GRM7: variants seen among roughly 807,000 people sequenced by gnomAD.
The protein encoded by GRM7 is glutamate metabotropic receptor 7.
Under a neutral mutation model 84.5 loss-of-function variants are expected in GRM7, and 35 were observed. The observed-to-expected ratio is 0.41, with a 90% CI of 0.32 to 0.55. GRM7 has a LOEUF of 0.55. Ranked by LOEUF, GRM7 falls within the 20% of genes least tolerant of loss-of-function variation. The pLI is 0.19. For synonymous variants in GRM7, 487 were observed against 455.1 expected, an observed-to-expected ratio of 1.07 and a Z score of -0.89; for missense variants, 1,003 against 1,194.6, an observed-to-expected ratio of 0.84 and a Z score of 2.36.
At chr3:7,524,867 A>G (rs1417345267) in intron 7 of GRM7, among the ~76,000 whole-genome samples, 1 of 110,320 alleles carries the variant, frequency 9.1e-6, no homozygotes, top group African/African-American at 4.5e-5. Flanking sequence ...AACCAACCCA[A>G]ATGTCCAACA....
intron 2 of GRM7, among the ~76,000 whole-genome samples, chr3:7,297,811 T>G (rs1250519519): frequency 6.6e-6 from 1 of 152,188 alleles, no homozygotes; most frequent in Non-Finnish European, 1.5e-5. Flanking sequence ...CTACAAATAT[T>G]TCCTCTACCC....
At chr3:7,117,155 C>A (rs1693063644) in intron 1 of GRM7, among the ~76,000 whole-genome samples, 1 of 152,072 alleles carries the variant, frequency 6.6e-6, no homozygotes, top group African/African-American at 2.4e-5. Context: ...AGATGGGAAA[C>A]CCCGCAGTGG....
chr3:7,493,137 A>G (rs761182072), intron 7 of GRM7, among the ~76,000 whole-genome samples: 1 of 152,006 alleles, frequency 6.6e-6, no homozygotes, highest in African/African-American at 2.4e-5. Context: ...AAAAATGTGT[A>G]TGTTTCTCTT....
chr3:7,623,009 CT>C (rs1263621550), intron 8 of GRM7, among the ~76,000 whole-genome samples: 1 of 152,160 alleles, frequency 6.6e-6, no homozygotes, highest in Middle Eastern at 3.2e-3. Context: ...TTCACTCCTG[CT>C]CTCCAAATGC....
intron 2 of GRM7, among the ~76,000 whole-genome samples, chr3:7,173,322 C>G (rs1695044845): frequency 6.6e-6 from 1 of 152,178 alleles, no homozygotes; most frequent in African/African-American, 2.4e-5. Flanking sequence ...CTCCCCTGGT[C>G]CAGACCAATG....
chr3:7,622,302 T>C (rs1334368122), intron 8 of GRM7, among the ~76,000 whole-genome samples: 2 of 152,112 alleles, frequency 1.3e-5, no homozygotes, highest in African/African-American at 4.8e-5. Flanking sequence ...TCCCTTCATA[T>C]TGTCTCTATG....
intron 4 of GRM7, among the ~76,000 whole-genome samples, chr3:7,342,635 G>A (rs148155329): frequency 6.6e-6 from 1 of 152,076 alleles, no homozygotes; most frequent in East Asian, 1.9e-4. Flanking sequence ...TTAAGTTAAA[G>A]CAGGTTCCTA....
At chr3:6,953,470 C>T (rs1333689513) in intron 1 of GRM7, among the ~76,000 whole-genome samples, 1 of 152,204 alleles carries the variant, frequency 6.6e-6, no homozygotes, top group African/African-American at 2.4e-5. Context: ...ACTCTTTGGT[C>T]TTTTAACCCC....
chr3:7,265,164 T>C (rs984451539), intron 2 of GRM7, among the ~76,000 whole-genome samples: 1 of 152,214 alleles, frequency 6.6e-6, no homozygotes, highest in African/African-American at 2.4e-5. Context: ...AGAAATGATA[T>C]AGCCCAACAA....
At chr3:7,366,001 A>T (rs1693874629) in intron 4 of GRM7, among the ~76,000 whole-genome samples, 1 of 151,698 alleles carries the variant, frequency 6.6e-6, no homozygotes, top group Non-Finnish European at 1.5e-5. Context: ...AATAAAGTGC[A>T]TTTAGACTAT....
intron 1 of GRM7, among the ~76,000 whole-genome samples, chr3:6,945,860 T>C (rs1455882614): frequency 1.3e-5 from 2 of 152,230 alleles, no homozygotes; most frequent in Non-Finnish European, 2.9e-5. Flanking sequence ...ATAAATGTCT[T>C]CTTTTGAGAA....
chr3:6,974,487 G>A (rs567169011), intron 1 of GRM7, among the ~76,000 whole-genome samples: 17 of 152,286 alleles, frequency 1.1e-4, no homozygotes, highest in South Asian at 1.0e-3. Context: ...TAGAAGACAC[G>A]TGAGAACTGA....
intron 2 of GRM7, among the ~76,000 whole-genome samples, chr3:7,184,592 T>C (rs1302642918): frequency 7.5e-6 from 1 of 133,128 alleles, no homozygotes; most frequent in Non-Finnish European, 1.5e-5. Flanking sequence ...GTAAACTGCT[T>C]TCTCTCTCCA....
At chr3:6,865,070 G>T (rs1359256740) in intron 1 of GRM7, among the ~76,000 whole-genome samples, 1 of 152,202 alleles carries the variant, frequency 6.6e-6, no homozygotes, top group Non-Finnish European at 1.5e-5. Context: ...TGAAATTAGT[G>T]TGTGGCCAGG....
intron 7 of GRM7, among the ~76,000 whole-genome samples, chr3:7,471,770 G>C (rs1698712550): frequency 6.6e-6 from 1 of 152,170 alleles, no homozygotes; most frequent in African/African-American, 2.4e-5. Flanking sequence ...TCTTTCTGGG[G>C]AGTTGAGAAG....
intron 4 of GRM7, among the ~76,000 whole-genome samples, chr3:7,307,013 G>A (rs767376358): frequency 2.6e-5 from 4 of 151,984 alleles, no homozygotes; most frequent in Admixed American, 6.6e-5. Context: ...ACTTTGTAAC[G>A]CATCCATTAT....
chr3:7,578,238 G>T (rs1032960502), intron 7 of GRM7, among the ~76,000 whole-genome samples, 184 bp from the exon 8 acceptor site: 1 of 152,136 alleles, frequency 6.6e-6, no homozygotes, highest in Non-Finnish European at 1.5e-5. Flanking sequence ...ATGGTGAAGA[G>T]TGAGGATGCT....
chr3:6,986,283 A>G (rs1694407972), intron 1 of GRM7, among the ~76,000 whole-genome samples: 1 of 152,192 alleles, frequency 6.6e-6, no homozygotes, highest in Non-Finnish European at 1.5e-5. Flanking sequence ...CATGTTTACC[A>G]CCTTTATTAT....
intron 1 of GRM7, among the ~76,000 whole-genome samples, chr3:7,101,529 T>C (rs778063119): frequency 2.6e-5 from 4 of 151,558 alleles, no homozygotes; most frequent in African/African-American, 4.8e-5. Context: ...TTGTACTCAG[T>C]TCATTTGAAC....
Sources: allele counts gnomAD v4.1 joint callset (sites outside exome capture counted in the v4.1 genomes callset), GRCh38; gene constraint gnomAD v4.1.1; transcripts MANE v1.5; gene names NCBI Gene and HGNC (gene_info 2026-07-23, HGNC 2026-07-21).